The following ISCU variants were observed in gnomAD, a reference collection of about 807,000 sequenced individuals.
The protein encoded by ISCU is iron-sulfur cluster assembly enzyme, also known as iron-sulfur cluster assembly enzyme ISCU.
ISCU carries 13 observed loss-of-function variants against 18.4 expected under a neutral mutation model. The ratio of observed to expected loss-of-function variants is 0.71; its 90% confidence interval spans 0.46 to 1.12. The LOEUF (loss-of-function observed/expected upper bound fraction) is 1.12. ISCU is among the 50% of genes most tolerant of loss of function. The pLI is 0.00. For missense variants in ISCU, 229 were observed against 208.7 expected, an observed-to-expected ratio of 1.10 and a Z score of -0.60; for synonymous variants, 104 against 87.5, an observed-to-expected ratio of 1.19 and a Z score of -1.06.
At chr12:108,563,333 G>A (rs1229239072) in intron 1 of ISCU, 1 of 152,682 alleles carries the variant, frequency 6.5e-6, no homozygotes, top group Non-Finnish European at 1.5e-5. Flanking sequence ...CGGGGAAGGA[G>A]GGATAGATTC....
Position 108,567,226 on chromosome 12 carries a change from G to T in ISCU, c.376G>T (p.Ala126Ser), listed in dbSNP as rs752409460. The T allele has an allele frequency of 6.2e-7, 1 of 1,613,942 alleles. No individual in the cohort carries two copies. Among genetic ancestry groups the T allele is most frequent in the Non-Finnish European group, 8.5e-7 (1 of 1,179,986 alleles). The change falls in exon 4 of 5, where the codon GCC becomes TCC. Residue 126 changes from alanine to serine, a missense_variant. Physicochemically the swap from Ala to Ser is moderately conservative, Grantham distance 99. Transcript: ENST00000311893. ...EALTIKNTDI[A>S]KELCLPPVKL... ...CTTGACTATCAAAAACACAGATATC[G>T]CCAAGGAGCTCTGCCTTCCTCCCGT...
At chr12:108,563,345 T>C (rs897740294) in intron 1 of ISCU, 5 of 152,988 alleles carry the variant, frequency 3.3e-5, no homozygotes, top group African/African-American at 1.2e-4. Context: ...GATAGATTCA[T>C]AGTCTGCAGC....
chr12:108,562,174 G>A (rs528194258), upstream of ISCU, among the ~76,000 whole-genome samples: 5 of 152,324 alleles, frequency 3.3e-5, no homozygotes, highest in East Asian at 9.6e-4. Flanking sequence ...TCTAACCCAG[G>A]ATTACCCAAG....
At chr12:108,563,041 A>C (rs2030696855) in intron 1 of ISCU, 1 of 235,272 alleles carries the variant, frequency 4.3e-6, no homozygotes, top group Non-Finnish European at 8.2e-6. Flanking sequence ...CCAGGGACAG[A>C]CACACCCCCG....
chr12:108,566,132 G>A (rs1391883465), intron 3 of ISCU, among the ~76,000 whole-genome samples: 3 of 152,258 alleles, frequency 2.0e-5, no homozygotes. Flanking sequence ...CAAGGGACCA[G>A]GTTCAGGGAG....
rs189816350 is a variant in ISCU at position 108,564,300 on chromosome 12, C to T, written c.136C>T (p.Pro46Ser). The change falls in exon 2 of 5, where the codon CCT becomes TCT. Residue 46 changes from proline (P) to serine (S), a missense_variant. Physicochemically the swap from Pro to Ser is moderately conservative, Grantham distance 74. Coordinates refer to ENST00000311893, the MANE Select transcript of ISCU (RefSeq NM_213595.4). ...HKKVVDHYEN[P>S]RNVGSLDKTS... ...TTAGGTTGTTGATCATTATGAAAAT[C>T]CTAGAAACGTGGGGTCCCTTGACAA... 1 of 1,613,936 alleles carries T rather than the reference C, an allele frequency of 6.2e-7. No individual in the cohort carries two copies. Among genetic ancestry groups the T allele is most frequent in the Non-Finnish European group, 8.5e-7 (1 of 1,179,820 alleles).
At chr12:108,567,814 G>T in intron 4 of ISCU, 1 of 1,523,076 alleles carries the variant, frequency 6.6e-7, no homozygotes, top group Non-Finnish European at 8.8e-7. Context: ...CCCCCTCCCT[G>T]CTATCCTAAA....
chr12:108,562,669 TG>T lies in ISCU; in HGVS notation c.48del (p.Leu17CysfsTer56). 6.9e-7 allele frequency: 1 copy of T among 1,455,942 alleles called. No homozygotes were observed. Among genetic ancestry groups the T allele is most frequent in the Non-Finnish European group, 9.0e-7 (1 of 1,111,334 alleles). 90.2% of individuals were successfully genotyped at this position (1,455,942 alleles called of 1,614,324 possible). A position where few individuals can be genotyped will look rare whatever the true frequency, so the allele number is the denominator to read the frequency against. ...CGTCTGAGGCGGGCGGCATCGGCTCTGCTGCTGCGGAGCCCCCGCCTGCCCG... is the reference window on the plus strand; with the variant it reads ...CGTCTGAGGCGGGCGGCATCGGCTCTCTGCTGCGGAGCCCCCGCCTGCCCG... ...AFRLRRAASA[L>X]LLRSPRLPAR... is the part of the protein sequence containing the mutation. On this transcript the variant is annotated frameshift_variant, in exon 1 of 5. Coordinates refer to ENST00000311893, the MANE Select transcript of ISCU (RefSeq NM_213595.4). LOFTEE classifies it high-confidence loss of function.
chr12:108,566,800 G>A (rs2030918946), intron 3 of ISCU, among the ~76,000 whole-genome samples: 1 of 152,202 alleles, frequency 6.6e-6, no homozygotes, highest in African/African-American at 2.4e-5. Flanking sequence ...AAGGATTTAG[G>A]CTAACATTTG....
intron 2 of ISCU, 30 bp from the exon 3 acceptor site, chr12:108,565,291 C>G (rs200563690): frequency 6.6e-7 from 1 of 1,520,414 alleles, no homozygotes; most frequent in East Asian, 2.3e-5. Context: ...GGTCCCAGGA[C>G]TCACCACTTA....
At chr12:108,567,005 C>A (rs1307987375) in intron 3 of ISCU, among the ~76,000 whole-genome samples, 185 bp from the exon 4 acceptor site, 1 of 152,186 alleles carries the variant, frequency 6.6e-6, no homozygotes, top group African/African-American at 2.4e-5. Flanking sequence ...ATACTTCATG[C>A]TTGAGAATCC....
At chr12:108,567,610 G>A (rs1310068066) in intron 4 of ISCU, 1 of 1,479,724 alleles carries the variant, frequency 6.8e-7, no homozygotes. Flanking sequence ...ACATCACATG[G>A]CTAATAAGTG....
chr12:108,562,684 C>T lies in ISCU; in HGVS notation c.62C>T (p.Pro21Leu). Residue 21 changes from proline (P) to leucine (L), a missense_variant, in exon 1 of 5, where the codon CCC (proline) becomes CTC (leucine). Transcript: ENST00000311893. ...RAASALLLRSPRLPARELSAP... is the reference protein window; with the variant it reads ...RAASALLLRSLRLPARELSAP... ...GCATCGGCTCTGCTGCTGCGGAGCC[C>T]CCGCCTGCCCGCCCGGGAGCTGTCG... 1 of 1,476,706 alleles carries T rather than the reference C, an allele frequency of 6.8e-7. No homozygotes were observed. Among genetic ancestry groups the T allele is most frequent in the Non-Finnish European group, 8.9e-7 (1 of 1,123,758 alleles). 91.5% of individuals were successfully genotyped at this position (1,476,706 alleles called of 1,614,324 possible).
In ISCU at chr12:108,565,063, T is replaced by G. The variant is rs1327730888; in HGVS notation, c.229-258T>G. ...TTCATAGCCAAAATGCAGGCCAGAGTCACAAAACAAAAGAATATTGGAGTG... is the reference window on the plus strand; with the variant it reads ...TTCATAGCCAAAATGCAGGCCAGAGGCACAAAACAAAAGAATATTGGAGTG... On this transcript the variant is annotated intron_variant, in intron 2 of 4. Coordinates refer to ENST00000311893, the MANE Select transcript of ISCU (RefSeq NM_213595.4). 7.6e-6 allele frequency: 4 copies of G among 528,296 alleles called. No individual in the cohort carries two copies. In the African/African-American group the frequency reaches 7.6e-5, roughly 10 times the overall value. The allele number at this position is 528,296 out of a possible 1,614,324, so 32.7% of individuals were successfully genotyped here.
At position 108,562,647 on chromosome 12, in the gene ISCU, C is replaced by G. The variant is rs561720120; in HGVS notation, c.25C>G (p.Leu9Val). MAAAGAFR[L>V]RRAASALLLR... ...GATGGCGGCGGCTGGGGCTTTCCGT[C>G]TGAGGCGGGCGGCATCGGCTCTGCT... is the stretch of plus-strand genomic sequence containing the variant. The change falls in exon 1 of 5, where the codon CTG (leucine) becomes GTG (valine). Residue 9 changes from leucine to valine, a missense_variant. Physicochemically the swap from Leu to Val is conservative, Grantham distance 32. Coordinates refer to ENST00000311893, the MANE Select transcript of ISCU (RefSeq NM_213595.4). The G allele has an allele frequency of 4.1e-6, 6 of 1,463,328 alleles. No homozygotes were observed. The highest frequency in any genetic ancestry group is 1.3e-5 in the South Asian group (1 of 74,262). The allele number at this position is 1,463,328 out of a possible 1,614,324, so 90.6% of individuals were successfully genotyped here. A position where few individuals can be genotyped will look rare whatever the true frequency, so the allele number is the denominator to read the frequency against.
upstream of ISCU, chr12:108,562,446 G>T: frequency 2.3e-6 from 1 of 437,276 alleles, no homozygotes; most frequent in Non-Finnish European, 4.0e-6. Flanking sequence ...GACCCCGCCC[G>T]CCCCCGAGAG....
At chr12:108,565,542 C>T in intron 3 of ISCU, 111 bp downstream of exon 3, 1 of 732,428 alleles carries the variant, frequency 1.4e-6, no homozygotes, top group Non-Finnish European at 2.4e-6. Context: ...ATTATCATTT[C>T]TTCAAATTGG....
chr12:108,567,218 C>T lies in ISCU; in HGVS notation c.368C>T (p.Thr123Ile), dbSNP rs1264112340. 4 of 1,614,058 alleles carry T rather than the reference C, an allele frequency of 2.5e-6. No homozygotes were observed. Among genetic ancestry groups the T allele is most frequent in the Middle Eastern group, 1.6e-4 (1 of 6,062 alleles). ...TVEEALTIKN[T>I]DIAKELCLPP... ...GAGGAAGCCTTGACTATCAAAAACACAGATATCGCCAAGGAGCTCTGCCTT... is the reference window on the plus strand; with the variant it reads ...GAGGAAGCCTTGACTATCAAAAACATAGATATCGCCAAGGAGCTCTGCCTT... The change falls in exon 4 of 5, where the codon ACA becomes ATA. Residue 123 changes from threonine (T) to isoleucine (I), a missense_variant. By Grantham distance (89) the Thr-to-Ile change is moderately conservative. Coordinates refer to ENST00000311893, the MANE Select transcript of ISCU (RefSeq NM_213595.4).
At chr12:108,564,008 TA>T in intron 1 of ISCU, 2 of 1,240,700 alleles carry the variant, frequency 1.6e-6, no homozygotes, top group Non-Finnish European at 2.4e-6. Context: ...AGTATTTTTG[TA>T]AAAATCCTAT....
Sources: gnomAD v4.1 joint callset for allele counts (sites outside exome capture counted in the v4.1 genomes callset) on GRCh38, gnomAD v4.1.1 for gene constraint, MANE v1.5 for transcripts, NCBI Gene and HGNC (gene_info 2026-07-23, HGNC 2026-07-21) for gene names.